ANKS1B: variants seen among roughly 807,000 people sequenced by gnomAD.
ANKS1B encodes the protein ankyrin repeat and sterile alpha motif domain containing 1B.
A neutral mutation model predicts 148.3 loss-of-function variants in ANKS1B; 36 were observed. That is an observed-to-expected ratio of 0.24 (90% CI 0.19 to 0.32). The LOEUF (loss-of-function observed/expected upper bound fraction) is 0.32, where lower values mean the gene tolerates loss of function less well. Among genes scored for constraint, ANKS1B ranks in the 10% least tolerant of loss-of-function variants. ANKS1B has a pLI of 1.00. For missense variants in ANKS1B, 1,157 were observed against 1,542.6 expected, an observed-to-expected ratio of 0.75 and a Z score of 4.19; for synonymous variants, 542 against 560.8, an observed-to-expected ratio of 0.97 and a Z score of 0.47.
At chr12:99,648,011 C>G in intron 9 of ANKS1B, 1 of 958,222 alleles carries the variant, frequency 1.0e-6, no homozygotes. Flanking sequence ...GTAATCAATA[C>G]CCCACCCTCC....
At chr12:99,076,628 T>C (rs1326137236) in intron 16 of ANKS1B, among the ~76,000 whole-genome samples, 1 of 152,168 alleles carries the variant, frequency 6.6e-6, no homozygotes, top group East Asian at 1.9e-4. Context: ...ATTATACACA[T>C]TTCTCTGGGA....
chr12:98,915,920 A>G (rs1445083599), intron 17 of ANKS1B, among the ~76,000 whole-genome samples: 1 of 152,154 alleles, frequency 6.6e-6, no homozygotes, highest in African/African-American at 2.4e-5. Context: ...ATGCCACGTC[A>G]GTCTGTCTCA....
intron 14 of ANKS1B, among the ~76,000 whole-genome samples, chr12:99,191,251 G>A (rs2080651444): frequency 6.6e-6 from 1 of 152,142 alleles, no homozygotes. Flanking sequence ...GTTGGTGGGA[G>A]TGAAATGAGT....
intron 17 of ANKS1B, among the ~76,000 whole-genome samples, chr12:98,966,805 C>T (rs901655182): frequency 2.7e-5 from 4 of 147,898 alleles, no homozygotes; most frequent in South Asian, 2.2e-4. Flanking sequence ...AACCAAACAC[C>T]GCATGTTCTC....
intron 22 of ANKS1B, among the ~76,000 whole-genome samples, chr12:98,787,488 A>G (rs767115466): frequency 9.9e-5 from 15 of 152,158 alleles, no homozygotes; most frequent in Non-Finnish European, 5.9e-5. Flanking sequence ...AGCCCTATGA[A>G]GTAGCCATTT....
At chr12:98,873,977 T>A (rs2099680034) in intron 17 of ANKS1B, among the ~76,000 whole-genome samples, 1 of 152,036 alleles carries the variant, frequency 6.6e-6, no homozygotes, top group Non-Finnish European at 1.5e-5. Flanking sequence ...GCAAGTTAGG[T>A]GGTGATGATG....
At chr12:99,870,303 A>G (rs1016747319) in intron 1 of ANKS1B, among the ~76,000 whole-genome samples, 1 of 152,156 alleles carries the variant, frequency 6.6e-6, no homozygotes, top group African/African-American at 2.4e-5. Context: ...ATAGTATTCC[A>G]CTGTATATAC....
chr12:99,122,992 A>AT (rs61246428), intron 15 of ANKS1B, among the ~76,000 whole-genome samples: 84,658 of 139,376 alleles, frequency 0.61, 26,011 homozygotes, highest in East Asian at 0.75. Context: ...TAAAATTAAA[A>AT]AAAAAATATA....
intron 15 of ANKS1B, among the ~76,000 whole-genome samples, chr12:99,094,292 C>T (rs1394147077): frequency 6.6e-6 from 1 of 152,106 alleles, no homozygotes; most frequent in African/African-American, 2.4e-5. Flanking sequence ...CAAGTATTTA[C>T]TGTATTAGTA....
At chr12:98,849,831 A>T (rs896103639) in intron 17 of ANKS1B, among the ~76,000 whole-genome samples, 1 of 152,204 alleles carries the variant, frequency 6.6e-6, no homozygotes, top group Non-Finnish European at 1.5e-5. Flanking sequence ...TTCAATACAA[A>T]AGGGCTTAAA....
chr12:99,063,893 C>T (rs961665201), intron 16 of ANKS1B, among the ~76,000 whole-genome samples: 1 of 152,204 alleles, frequency 6.6e-6, no homozygotes, highest in African/African-American at 2.4e-5. Flanking sequence ...TGTACAAATA[C>T]GTCTGCTACT....
chr12:99,143,407 A>G (rs926863345), intron 15 of ANKS1B, among the ~76,000 whole-genome samples: 1 of 152,132 alleles, frequency 6.6e-6, no homozygotes, highest in Non-Finnish European at 1.5e-5. Context: ...AATGCCTGCG[A>G]TGCGCTTGAT....
At chr12:99,983,134 G>T (rs1398046771) in intron 1 of ANKS1B, among the ~76,000 whole-genome samples, 1 of 152,152 alleles carries the variant, frequency 6.6e-6, no homozygotes, top group East Asian at 1.9e-4. Context: ...AGATATGAAT[G>T]ACAATTGATG....
At chr12:98,973,219 A>C (rs1597830159) in intron 17 of ANKS1B, among the ~76,000 whole-genome samples, 1 of 134,042 alleles carries the variant, frequency 7.5e-6, no homozygotes, top group African/African-American at 3.4e-5. Flanking sequence ...AATGCAAAAA[A>C]AAAAAATAAT....
At chr12:99,814,311 T>A (rs1473036848) in intron 2 of ANKS1B, among the ~76,000 whole-genome samples, 2 of 151,710 alleles carry the variant, frequency 1.3e-5, no homozygotes, top group African/African-American at 4.8e-5. Context: ...TACTCAAAAC[T>A]GGTAATAGCA....
intron 1 of ANKS1B, among the ~76,000 whole-genome samples, chr12:99,888,373 G>A (rs958835541): frequency 6.6e-6 from 1 of 152,160 alleles, no homozygotes; most frequent in African/African-American, 2.4e-5. Flanking sequence ...CTTTTTGTTA[G>A]ACACTCACAC....
At chr12:99,204,975 A>C (rs2153902393) in intron 14 of ANKS1B, among the ~76,000 whole-genome samples, 1 of 152,278 alleles carries the variant, frequency 6.6e-6, no homozygotes, top group South Asian at 2.1e-4. Context: ...TGTTTACCCC[A>C]AAGGAGATGC....
intron 12 of ANKS1B, among the ~76,000 whole-genome samples, chr12:99,388,655 A>C (rs911140769): frequency 1.3e-5 from 2 of 152,148 alleles, no homozygotes; most frequent in African/African-American, 4.8e-5. Flanking sequence ...TGGGTGGCTT[A>C]ACTGGGCCCT....
At chr12:99,734,406 C>T (rs2059434470) in intron 8 of ANKS1B, among the ~76,000 whole-genome samples, 1 of 152,140 alleles carries the variant, frequency 6.6e-6, no homozygotes. Flanking sequence ...AACTCTCCTG[C>T]CTCAGCACCC....
Sources: gnomAD v4.1 joint callset for allele counts (sites outside exome capture counted in the v4.1 genomes callset) on GRCh38, gnomAD v4.1.1 for gene constraint, MANE v1.5 for transcripts, NCBI Gene and HGNC (gene_info 2026-07-23, HGNC 2026-07-21) for gene names.